The following TUSC3 variants were observed in gnomAD, a reference collection of about 807,000 sequenced individuals.
TUSC3 encodes the protein tumor suppressor candidate 3.
TUSC3 carries 45 observed loss-of-function variants against 44.8 expected under a neutral mutation model. The ratio of observed to expected loss-of-function variants is 1.00; its 90% CI spans 0.79 to 1.29. The LOEUF (loss-of-function observed/expected upper bound fraction) is 1.29, where lower values mean the gene tolerates loss of function less well. TUSC3 is among the 50% of genes most tolerant of loss of function. TUSC3 has a pLI of 0.00. For missense variants in TUSC3, 519 were observed against 437.9 expected, an observed-to-expected ratio of 1.19 and a Z score of -1.65; for synonymous variants, 212 against 152.9, an observed-to-expected ratio of 1.39 and a Z score of -2.85.
At chr8:15,741,782 TAAA>T (rs1359270904) in intron 7 of TUSC3, among the ~76,000 whole-genome samples, 6 of 152,152 alleles carry the variant, frequency 3.9e-5, no homozygotes, top group African/African-American at 1.4e-4. Context: ...AATGTGTAGA[TAAA>T]AATTTATACA....
intron 1 of TUSC3, among the ~76,000 whole-genome samples, chr8:15,478,522 G>A (rs1800613599): frequency 1.3e-5 from 2 of 152,272 alleles, no homozygotes; most frequent in Admixed American, 6.5e-5. Flanking sequence ...GTGAGAACAT[G>A]CAATGTTTGG....
At chr8:15,780,231 A>G in the TUSC3 span, among the ~76,000 whole-genome samples, 90 of 152,246 alleles carry the variant, frequency 5.9e-4, no homozygotes, top group African/African-American at 2.1e-3. Flanking sequence ...TCAACCTTAA[A>G]TGGGTAGGCA....
At chr8:15,752,993 C>G (rs1232221490) in intron 9 of TUSC3, among the ~76,000 whole-genome samples, 1 of 151,986 alleles carries the variant, frequency 6.6e-6, no homozygotes, top group Non-Finnish European at 1.5e-5. Flanking sequence ...AGGAAATCTA[C>G]ATAAAAACTA....
At chr8:15,522,652 C>A (rs1801313784) in intron 2 of TUSC3, among the ~76,000 whole-genome samples, 1 of 151,732 alleles carries the variant, frequency 6.6e-6, no homozygotes, top group Non-Finnish European at 1.5e-5. Flanking sequence ...AAGATAGGGG[C>A]TGTTTCCCTA....
intron 7 of TUSC3, among the ~76,000 whole-genome samples, chr8:15,741,899 T>G (rs1428613792): frequency 6.6e-6 from 1 of 152,176 alleles, no homozygotes. Flanking sequence ...AAAACTGAGT[T>G]TTAAGCAGTA....
intron 1 of TUSC3, among the ~76,000 whole-genome samples, chr8:15,553,647 T>C (rs1802132704): frequency 1.3e-5 from 2 of 151,740 alleles, no homozygotes; most frequent in African/African-American, 4.8e-5. Context: ...CATTGCAGTG[T>C]TACAGTGAAC....
At chr8:15,523,725 T>TATATATAA (rs1315120888) in intron 2 of TUSC3, among the ~76,000 whole-genome samples, 1 of 134,232 alleles carries the variant, frequency 7.4e-6, no homozygotes, top group Non-Finnish European at 1.6e-5. Flanking sequence ...TATATATATA[T>TATATATAA]AAAGTAGTTC....
chr8:15,603,530 A>G (rs1420649474), intron 1 of TUSC3, among the ~76,000 whole-genome samples: 2 of 151,614 alleles, frequency 1.3e-5, no homozygotes, highest in Admixed American at 1.3e-4. Context: ...TTGCAGAAAA[A>G]TTTTTTAAGT....
the TUSC3 span, among the ~76,000 whole-genome samples, chr8:15,780,474 G>C: frequency 2.8e-4 from 42 of 152,248 alleles, no homozygotes; most frequent in African/African-American, 9.4e-4. Context: ...AGTTTTGTAT[G>C]GACACACAAA....
At chr8:15,435,154 A>T (rs926194100) in intron 1 of TUSC3, among the ~76,000 whole-genome samples, 1 of 149,820 alleles carries the variant, frequency 6.7e-6, no homozygotes, top group Non-Finnish European at 1.5e-5. Context: ...TCCCACCAAC[A>T]TTGTAAAAGT....
intron 1 of TUSC3, among the ~76,000 whole-genome samples, chr8:15,580,893 G>C (rs1462940092): frequency 7.2e-6 from 1 of 139,052 alleles, no homozygotes; most frequent in East Asian, 2.1e-4. Context: ...AGTTCTCCTG[G>C]ATAATATCCT....
At chr8:15,714,202 A>T (rs558188403) in intron 6 of TUSC3, among the ~76,000 whole-genome samples, 1 of 152,284 alleles carries the variant, frequency 6.6e-6, no homozygotes, top group East Asian at 1.9e-4. Context: ...GAATATGAGG[A>T]TAGAATTTTG....
intron 6 of TUSC3, among the ~76,000 whole-genome samples, chr8:15,710,275 G>T (rs1326512714): frequency 2.0e-5 from 3 of 151,710 alleles, no homozygotes; most frequent in Middle Eastern, 3.4e-3. Context: ...CTAATTTTTT[G>T]CTTGGTTTGT....
chr8:15,761,010 T>C (rs149335004), intron 10 of TUSC3, among the ~76,000 whole-genome samples: 78 of 152,312 alleles, frequency 5.1e-4, no homozygotes, highest in Non-Finnish European at 8.5e-4. Flanking sequence ...AAAAGAAATG[T>C]AAGGGCCATG....
chr8:15,468,306 G>C (rs182244208), intron 1 of TUSC3, among the ~76,000 whole-genome samples: 1 of 152,286 alleles, frequency 6.6e-6, no homozygotes, highest in East Asian at 1.9e-4. Flanking sequence ...GAAGCCCACT[G>C]GGTGTTGAAC....
At chr8:15,440,312 A>G (rs924047347) in intron 1 of TUSC3, among the ~76,000 whole-genome samples, 5 of 152,144 alleles carry the variant, frequency 3.3e-5, no homozygotes, top group Non-Finnish European at 7.4e-5. Context: ...AATAAAGCCA[A>G]TATGGGATGG....
rs1809815689 is a variant in TUSC3 at position 15,710,890 on chromosome 8, T to C, written c.799-19776T>C. On this transcript the variant is annotated intron_variant, in intron 6 of 10. Transcript: ENST00000503731. ...TGCATTATATATATAATATAAAATA[T>C]ATATATATAAAACCAGCACCAAATC... Among the ~76,000 whole-genome samples the C allele has an allele frequency of 2.0e-5, 3 of 148,504 alleles. No homozygotes were observed. In the South Asian group the frequency reaches 6.3e-4, roughly 31 times the overall value.
At chr8:15,624,073 C>T (rs747061476) in intron 2 of TUSC3, among the ~76,000 whole-genome samples, 14 of 152,078 alleles carry the variant, frequency 9.2e-5, no homozygotes, top group Non-Finnish European at 5.9e-5. Flanking sequence ...TTGTATGGTA[C>T]GTGACCTTTT....
At chr8:15,507,321 T>G (rs7838756) in intron 2 of TUSC3, among the ~76,000 whole-genome samples, 6,530 of 152,256 alleles carry the variant, frequency 0.043, 453 homozygotes, top group African/African-American at 0.15. Flanking sequence ...AGAGGAAAGT[T>G]ACTTATTATT....
Sources: gnomAD v4.1 joint callset for allele counts (sites outside exome capture counted in the v4.1 genomes callset) on GRCh38, gnomAD v4.1.1 for gene constraint, MANE v1.5 for transcripts, NCBI Gene and HGNC (gene_info 2026-07-23, HGNC 2026-07-21) for gene names.